CFAP77: variants seen among roughly 807,000 people sequenced by gnomAD.
CFAP77 encodes cilia and flagella associated protein 77.
Under a neutral mutation model 31.1 loss-of-function variants are expected in CFAP77, and 25 were observed. The observed-to-expected ratio is 0.80, with a 90% CI of 0.59 to 1.12. CFAP77 has a LOEUF of 1.12. Ranked by LOEUF, CFAP77 falls within the 50% of genes most tolerant of loss-of-function variation. The pLI, the probability that CFAP77 is intolerant of heterozygous loss-of-function variation, is 0.00. For synonymous variants in CFAP77, 151 were observed against 159.9 expected (o/e 0.94, Z 0.42); for missense variants, 377 against 397.3 (o/e 0.95, Z 0.44).
In CFAP77 at chr9:132,482,814, AG is replaced by A. The variant is rs1231480073; in HGVS notation, c.196-15875del. ...CTGGGGACTGTTGTGGGGTGGGGGG[AG>A]GGGGGAGGGATAGCATTAGGAGATA... On this transcript the variant is annotated intron_variant, in intron 1 of 5. Transcript: ENST00000393216. 1.7e-4 allele frequency among the ~76,000 whole-genome samples: 6 copies of A among 35,298 alleles called. 1 individual carries two copies. The highest frequency in any genetic ancestry group is 3.7e-4 in the African/African-American group (3 of 8,180). The allele number at this position is 35,298 out of a possible 152,430, so 23.2% of individuals were successfully genotyped here.
chr9:132,460,836 C>G (rs1369120465), intron 1 of CFAP77, among the ~76,000 whole-genome samples: 1 of 152,166 alleles, frequency 6.6e-6, no homozygotes, highest in East Asian at 1.9e-4. Flanking sequence ...AATGATCCTC[C>G]TGCCTCAGCC....
chr9:132,509,477 G>T (rs1030544016), intron 3 of CFAP77, among the ~76,000 whole-genome samples: 2 of 152,146 alleles, frequency 1.3e-5, no homozygotes, highest in African/African-American at 2.4e-5. Flanking sequence ...AGGGGCCCAG[G>T]CTGAGGGCCA....
chr9:132,420,893 G>T lies in CFAP77; in HGVS notation c.195+10427G>T, dbSNP rs868757432. Among the ~76,000 whole-genome samples, 5 of 152,156 alleles carry T rather than the reference G, an allele frequency of 3.3e-5. No individual in the cohort carries two copies. The Middle Eastern group carries it at 0.01, about 313-fold the overall frequency. On this transcript the variant is annotated intron_variant, in intron 1 of 5. Transcript: ENST00000393216. ...TCAACAGCAAAGTGGTACAGACGTG[G>T]CCACAGCCATCTGGATGGGATCCAT...
chr9:132,438,541 ATTTTTTTT>A (rs10641294), intron 1 of CFAP77, among the ~76,000 whole-genome samples: 1 of 108,156 alleles, frequency 9.2e-6, no homozygotes, highest in African/African-American at 4.1e-5. Context: ...ATATATATAT[ATTTTTTTT>A]TTTTTTTTTA....
chr9:132,480,293 T>G lies in CFAP77; in HGVS notation c.196-18402T>G, dbSNP rs1851423528. 1.4e-5 allele frequency among the ~76,000 whole-genome samples: 2 copies of G among 148,074 alleles called. No individual in the cohort carries two copies. The highest frequency in any genetic ancestry group is 4.9e-5 in the African/African-American group (2 of 40,816). Reference sequence around the variant, plus strand: ...TCTGGGTCCAGAGACTCCAACCCTGTGGGGTCAACAGCAGGGCAGGAAAGG... The same window carrying G: ...TCTGGGTCCAGAGACTCCAACCCTGGGGGGTCAACAGCAGGGCAGGAAAGG... On this transcript the variant is annotated intron_variant, in intron 1 of 5. Coordinates refer to ENST00000393216, the MANE Select transcript of CFAP77 (RefSeq NM_001282957.2). The surrounding 1 kb of genome is among the most constrained non-coding windows in gnomAD (Gnocchi z 5.8).
At chr9:132,529,901 A>G (rs4962070) in intron 3 of CFAP77, among the ~76,000 whole-genome samples, 31,112 of 151,766 alleles carry the variant, frequency 0.2, 3,205 homozygotes, top group East Asian at 0.26. Context: ...GCCATTTTCC[A>G]TCCTCACCAG....
intron 1 of CFAP77, among the ~76,000 whole-genome samples, chr9:132,414,775 T>C (rs199675261): frequency 2.6e-5 from 4 of 152,206 alleles, no homozygotes; most frequent in East Asian, 1.9e-4. Context: ...ACTTGAGTCC[T>C]AGTTTACAAG....
chr9:132,482,306 G>C lies in CFAP77; in HGVS notation c.196-16389G>C, dbSNP rs149581041. ...ATCAAGTGGACTCTGCATTTCTTTCGTAGGCTGCCGGCCCGGCCTCGGTGG... is the reference window on the plus strand; with the variant it reads ...ATCAAGTGGACTCTGCATTTCTTTCCTAGGCTGCCGGCCCGGCCTCGGTGG... On this transcript the variant is annotated intron_variant, in intron 1 of 5. Coordinates refer to ENST00000393216, the MANE Select transcript of CFAP77 (RefSeq NM_001282957.2). The C allele has an allele frequency of 2.8e-5, 45 of 1,610,374 alleles. No individual in the cohort carries two copies. The Middle Eastern group carries it at 4.9e-4, about 18-fold the overall frequency.
intron 1 of CFAP77, among the ~76,000 whole-genome samples, chr9:132,491,910 A>C (rs1176727347): frequency 6.6e-6 from 1 of 152,232 alleles, no homozygotes; most frequent in Non-Finnish European, 1.5e-5. Flanking sequence ...ATTTCCAAAA[A>C]CATATTGATG....
intron 3 of CFAP77, among the ~76,000 whole-genome samples, chr9:132,500,024 G>A (rs147558429): frequency 5.8e-4 from 88 of 152,162 alleles, no homozygotes; most frequent in African/African-American, 2.0e-3. Context: ...ATTGTGGCAC[G>A]TGCTTATAGT....
intron 3 of CFAP77, among the ~76,000 whole-genome samples, chr9:132,515,329 T>C (rs1007806768): frequency 2.0e-5 from 3 of 152,012 alleles, no homozygotes; most frequent in African/African-American, 7.3e-5. Context: ...TGTCTTTGGG[T>C]CCAGGGCAGC....
At chr9:132,558,025 T>C (rs1006589736) in intron 5 of CFAP77, among the ~76,000 whole-genome samples, 21 of 152,210 alleles carry the variant, frequency 1.4e-4, no homozygotes, top group Non-Finnish European at 2.9e-5. Flanking sequence ...TTGTGTACTT[T>C]TTTCACCTGC....
At chr9:132,483,447 A>C (rs1234201149) in intron 1 of CFAP77, among the ~76,000 whole-genome samples, 1 of 151,948 alleles carries the variant, frequency 6.6e-6, no homozygotes, top group African/African-American at 2.4e-5. Flanking sequence ...GTTGTGGGGG[A>C]CCTGCAGCAG....
At chr9:132,524,330 G>A (rs956419479) in intron 3 of CFAP77, among the ~76,000 whole-genome samples, 4 of 151,806 alleles carry the variant, frequency 2.6e-5, no homozygotes, top group Admixed American at 6.6e-5. Context: ...GTCAGGCACT[G>A]TGGTTCATGC....
chr9:132,421,166 C>A (rs1850210098), intron 1 of CFAP77, among the ~76,000 whole-genome samples: 1 of 152,084 alleles, frequency 6.6e-6, no homozygotes, highest in East Asian at 1.9e-4. Flanking sequence ...TGCCACCATA[C>A]CCAGCTAATT....
intron 5 of CFAP77, among the ~76,000 whole-genome samples, chr9:132,544,107 C>T (rs1852692799): frequency 6.6e-6 from 1 of 152,212 alleles, no homozygotes. Flanking sequence ...CCTTTCTGAG[C>T]CTAATGCACT....
chr9:132,465,073 C>CAAAAAAAAAAA (rs773917029), intron 1 of CFAP77, among the ~76,000 whole-genome samples: 13 of 82,846 alleles, frequency 1.6e-4, no homozygotes, highest in East Asian at 6.3e-4. Flanking sequence ...GACTCTGTCT[C>CAAAAAAAAAAA]AAAAAAAAAA....
At chr9:132,429,323 G>A (rs1288922106) in intron 1 of CFAP77, among the ~76,000 whole-genome samples, 1 of 151,486 alleles carries the variant, frequency 6.6e-6, no homozygotes, top group African/African-American at 2.4e-5. Flanking sequence ...GGCAGATCAC[G>A]AGGTCAGGAA....
At chr9:132,438,541 A>ATATATATATATATATATATTTTT in intron 1 of CFAP77, among the ~76,000 whole-genome samples, 14 of 108,152 alleles carry the variant, frequency 1.3e-4, no homozygotes, top group Non-Finnish European at 2.3e-4. Context: ...ATATATATAT[A>ATATATATATATATATATATTTTT]TTTTTTTTTT....
Sources: gnomAD v4.1 joint callset for allele counts (sites outside exome capture counted in the v4.1 genomes callset) on GRCh38, gnomAD v4.1.1 for gene constraint, Gnocchi (gnomAD v3.1) non-coding constraint, MANE v1.5 for transcripts, NCBI Gene and HGNC (gene_info 2026-07-23, HGNC 2026-07-21) for gene names.